Variants in FAM91A1 observed in about 807,000 individuals in gnomAD.
FAM91A1 encodes the protein protein FAM91A1.
A neutral mutation model predicts 113.5 loss-of-function variants in FAM91A1; 41 were observed. That is an observed-to-expected ratio of 0.36 (90% CI 0.28 to 0.47). The LOEUF (loss-of-function observed/expected upper bound fraction) is 0.47, where lower values mean the gene tolerates loss of function less well. Ranked by LOEUF, FAM91A1 falls within the 20% of genes least tolerant of loss-of-function variation. FAM91A1 has a pLI of 1.00. For missense variants in FAM91A1, 696 were observed against 1,001.2 expected (o/e 0.70, Z 4.11); for synonymous variants, 307 against 347.9 (o/e 0.88, Z 1.31).
chr8:123,775,217 G>T lies in FAM91A1; in HGVS notation c.228G>T (p.Met76Ile). 3 of 1,613,992 alleles carry T rather than the reference G, an allele frequency of 1.9e-6. No homozygotes were observed. The highest frequency in any genetic ancestry group is 2.5e-6 in the Non-Finnish European group (3 of 1,179,914). The part of the protein sequence containing the change: ...ELLKYSRDHL[M>I]LYPYHLSDIM... ...TAAAGTACAGCCGAGATCATCTCAT[G>T]CTGTACCCTTACCATCTATCGGATA... is the stretch of plus-strand genomic sequence containing the variant. Residue 76 changes from methionine to isoleucine, a missense_variant, in exon 3 of 24, where the codon ATG becomes ATT. Transcript: ENST00000334705.
At chr8:123,775,793 C>T (rs1490975378) in intron 3 of FAM91A1, among the ~76,000 whole-genome samples, 5 of 152,076 alleles carry the variant, frequency 3.3e-5, no homozygotes, top group Non-Finnish European at 7.4e-5. Flanking sequence ...GGTGAAACCC[C>T]GTCTCTACTA....
chr8:123,801,489 C>T (rs986293523), intron 18 of FAM91A1, among the ~76,000 whole-genome samples: 2 of 152,198 alleles, frequency 1.3e-5, no homozygotes, highest in Admixed American at 1.3e-4. Context: ...GTAAAGATTT[C>T]GTCAGTTCAT....
chr8:123,772,896 A>G (rs751492394), intron 1 of FAM91A1, among the ~76,000 whole-genome samples: 1 of 152,242 alleles, frequency 6.6e-6, no homozygotes, highest in Non-Finnish European at 1.5e-5. Context: ...TTTTCTAGTC[A>G]TTAAGTGGAG....
At chr8:123,774,307 C>G (rs1318434258) in intron 2 of FAM91A1, 143 bp downstream of exon 2, 4 of 534,156 alleles carry the variant, frequency 7.5e-6, no homozygotes, top group East Asian at 6.3e-5. Flanking sequence ...TCCATTCCAC[C>G]TAACAACAAT....
intron 15 of FAM91A1, among the ~76,000 whole-genome samples, chr8:123,797,090 G>A (rs1438048154): frequency 1.3e-5 from 2 of 151,904 alleles, no homozygotes; most frequent in African/African-American, 4.8e-5. Flanking sequence ...AAAGATATGG[G>A]CCTTGAAGAA....
chr8:123,798,783 A>G (rs879420743), intron 16 of FAM91A1, among the ~76,000 whole-genome samples: 1 of 152,208 alleles, frequency 6.6e-6, no homozygotes, highest in Admixed American at 6.5e-5. Flanking sequence ...TCAGTGCTGC[A>G]TCTTACCTGG....
chr8:123,773,230 C>T lies in FAM91A1; in HGVS notation c.73-850C>T, dbSNP rs1263361364. ...TTGCCTTAAGTGAAAGATGTAGGGA[C>T]CTGTCTTTGGTTTTGGCTTACCTAT... On this transcript the variant is annotated intron_variant, in intron 1 of 23. Coordinates refer to ENST00000334705, the MANE Select transcript of FAM91A1 (RefSeq NM_144963.4). Among the ~76,000 whole-genome samples, 3 of 152,146 alleles carry T rather than the reference C, an allele frequency of 2.0e-5. No individual in the cohort carries two copies. In the South Asian group the frequency reaches 6.2e-4, roughly 31 times the overall value.
chr8:123,785,020 A>G, intron 9 of FAM91A1, 61 bp from the exon 10 acceptor site: 1 of 1,282,018 alleles, frequency 7.8e-7, no homozygotes, highest in East Asian at 2.4e-5. Context: ...GGTCTATTAC[A>G]ACTGTGTAAT....
chr8:123,808,509 CT>C, intron 21 of FAM91A1, 133 bp downstream of exon 21: 2 of 558,860 alleles, frequency 3.6e-6, no homozygotes, highest in Non-Finnish European at 5.9e-6. Context: ...TCTAGGAAGC[CT>C]TTTTACATAC....
intron 3 of FAM91A1, 58 bp downstream of exon 3, chr8:123,775,356 T>C (rs1814956803): frequency 1.3e-6 from 2 of 1,567,500 alleles, no homozygotes; most frequent in Non-Finnish European, 1.7e-6. Flanking sequence ...TGTCTGGGAC[T>C]TTTTGCAGAT....
At chr8:123,792,783 G>A (rs1364446271) in intron 15 of FAM91A1, among the ~76,000 whole-genome samples, 2 of 152,154 alleles carry the variant, frequency 1.3e-5, no homozygotes, top group East Asian at 3.9e-4. Flanking sequence ...AAGGGGCTTA[G>A]TGCAAGGACC....
chr8:123,783,660 T>C (rs1815177526), intron 8 of FAM91A1, among the ~76,000 whole-genome samples: 1 of 152,200 alleles, frequency 6.6e-6, no homozygotes, highest in Admixed American at 6.5e-5. Flanking sequence ...GCCTAGGCAT[T>C]CCTCCTTCTC....
chr8:123,784,807 T>C, intron 9 of FAM91A1: 1 of 431,228 alleles, frequency 2.3e-6, no homozygotes, highest in Non-Finnish European at 4.0e-6. Context: ...TACTAAAGTA[T>C]TGTAGACTAT....
chr8:123,779,892 G>A (rs775746631), intron 6 of FAM91A1, 93 bp from the exon 7 acceptor site: 11 of 986,654 alleles, frequency 1.1e-5, no homozygotes, highest in Non-Finnish European at 1.7e-5. Flanking sequence ...CTAATGACAT[G>A]TAATCACTGG....
intron 12 of FAM91A1, among the ~76,000 whole-genome samples, 182 bp downstream of exon 12, chr8:123,786,792 G>C (rs985761123): frequency 1.3e-5 from 2 of 152,166 alleles, no homozygotes; most frequent in African/African-American, 4.8e-5. Flanking sequence ...CAAGAATATG[G>C]TACCTTTCTT....
rs1167811972 is a variant in FAM91A1, at chr8:123,785,692, G to T, written c.913G>T (p.Asp305Tyr). The change falls in exon 11 of 24, where the codon GAT becomes TAT. Residue 305 changes from aspartate to tyrosine, a missense_variant. Asp to Tyr is a radical substitution (Grantham distance 160). Coordinates refer to ENST00000334705, the MANE Select transcript of FAM91A1 (RefSeq NM_144963.4). ...TAAGAAGGGACAAGTAATTAATTTG[G>T]ATCAACTTCATTCATCATGGAAGAA... ...AHKKGQVINL[D>Y]QLHSSWKNVP... 1.9e-6 allele frequency: 3 copies of T among 1,608,680 alleles called. No homozygotes were observed. The highest frequency in any genetic ancestry group is 2.5e-6 in the Non-Finnish European group (3 of 1,178,470).
intron 11 of FAM91A1, chr8:123,786,131 T>C (rs1443669100): frequency 4.1e-6 from 1 of 244,654 alleles, no homozygotes; most frequent in Non-Finnish European, 8.0e-6. Flanking sequence ...GAAATTTTAT[T>C]TATTCAACCT....
chr8:123,813,125 C>G lies in FAM91A1; in HGVS notation c.*421C>G, dbSNP rs933905229. The G allele has an allele frequency of 6.5e-6, 1 of 153,200 alleles. No individual in the cohort carries two copies. Among genetic ancestry groups the G allele is most frequent in the African/African-American group, 2.4e-5 (1 of 41,438 alleles). 9.5% of individuals were successfully genotyped at this position (153,200 alleles called of 1,614,324 possible). A position where few individuals can be genotyped will look rare whatever the true frequency, so the allele number is the denominator to read the frequency against. On this transcript the variant is annotated 3_prime_UTR_variant, in exon 24 of 24. Transcript: ENST00000334705. ...CAAGGGAAGAGATGGAACTCTTCCT[C>G]TGAAAAGGCTTCTTGGTACTTAAAG...
Position 123,798,192 on chromosome 8 carries a change from C to T in FAM91A1, c.1514C>T (p.Ala505Val). 6.2e-7 allele frequency: 1 copy of T among 1,614,098 alleles called. No homozygotes were observed. The highest frequency in any genetic ancestry group is 1.1e-5 in the South Asian group (1 of 91,078). ...AATTACACGCTGCTTGTTTCCATGG[C>T]TCCCCTCACCAATGAAATCCGGCCT... is the stretch of plus-strand genomic sequence containing the variant. ...NKNYTLLVSM[A>V]PLTNEIRPVS... The change falls in exon 16 of 24, where the codon GCT becomes GTT. Residue 505 changes from alanine (A) to valine (V), a missense_variant. Transcript: ENST00000334705.
Sources: gnomAD v4.1 joint callset for allele counts (sites outside exome capture counted in the v4.1 genomes callset) on GRCh38, gnomAD v4.1.1 for gene constraint, MANE v1.5 for transcripts, NCBI Gene and HGNC (gene_info 2026-07-23, HGNC 2026-07-21) for gene names.